Variants in LCOR observed in about 807,000 individuals in gnomAD.
LCOR encodes ligand-dependent corepressor.
A neutral mutation model predicts 64.4 loss-of-function variants in LCOR; 14 were observed. That is an observed-to-expected ratio of 0.22 (90% CI 0.14 to 0.34). The LOEUF (loss-of-function observed/expected upper bound fraction) is 0.34. Among genes scored for constraint, LCOR ranks in the 10% least tolerant of loss-of-function variants. The pLI is 1.00. For missense variants in LCOR, 1,686 were observed against 1,765.3 expected, an observed-to-expected ratio of 0.96 and a Z score of 0.80; for synonymous variants, 643 against 642.5, an observed-to-expected ratio of 1.00 and a Z score of -0.01.
intron 7 of LCOR, among the ~76,000 whole-genome samples, chr10:96,980,135 C>T (rs1484307126): frequency 6.7e-6 from 1 of 150,044 alleles, no homozygotes; most frequent in African/African-American, 2.5e-5. Flanking sequence ...CAGAGCAAGA[C>T]TGTCTCCATT....
intron 4 of LCOR, among the ~76,000 whole-genome samples, chr10:96,929,487 G>A (rs1000913013): frequency 6.6e-6 from 1 of 152,258 alleles, no homozygotes; most frequent in African/African-American, 2.4e-5. Flanking sequence ...GAATTGAAGA[G>A]AGTTAGAGCC....
intron 7 of LCOR, chr10:96,956,206 G>T (rs1237185543): frequency 9.0e-7 from 1 of 1,106,126 alleles, no homozygotes; most frequent in East Asian, 5.4e-5. Context: ...TGGACTCCTT[G>T]CCTGTAGAGC....
At chr10:96,843,764 T>C (rs1019780885) in intron 2 of LCOR, among the ~76,000 whole-genome samples, 5 of 152,240 alleles carry the variant, frequency 3.3e-5, no homozygotes, top group African/African-American at 1.2e-4. Context: ...ATCTTGGTTG[T>C]ATCCTTTTGT....
intron 4 of LCOR, among the ~76,000 whole-genome samples, chr10:96,914,660 T>G (rs1019690408): frequency 6.6e-6 from 1 of 152,224 alleles, no homozygotes; most frequent in Non-Finnish European, 1.5e-5. Context: ...CCTTCTTCAG[T>G]GGACTACCAA....
chr10:96,946,064 G>A (rs189775584), intron 5 of LCOR, among the ~76,000 whole-genome samples: 14 of 152,012 alleles, frequency 9.2e-5, no homozygotes, highest in Admixed American at 7.2e-4. Context: ...TTTATGTACA[G>A]GCATGTGATG....
At chr10:96,956,082 T>C in intron 7 of LCOR, 1 of 1,433,214 alleles carries the variant, frequency 7.0e-7, no homozygotes, top group Non-Finnish European at 9.1e-7. Context: ...GCATTCTGAA[T>C]GTTGCATATT....
chr10:96,943,897 T>A (rs1453459031), intron 4 of LCOR, among the ~76,000 whole-genome samples: 2 of 152,172 alleles, frequency 1.3e-5, no homozygotes, highest in Non-Finnish European at 2.9e-5. Flanking sequence ...ACAAAACTCA[T>A]AGTCAAAAAA....
chr10:96,916,638 G>A (rs781595973), intron 4 of LCOR, among the ~76,000 whole-genome samples: 8 of 139,310 alleles, frequency 5.7e-5, no homozygotes, highest in Admixed American at 1.5e-4. Flanking sequence ...TTTTTGAGAC[G>A]GAGTCTTGCT....
intron 4 of LCOR, among the ~76,000 whole-genome samples, chr10:96,924,112 G>A (rs759874389): frequency 5.9e-5 from 9 of 152,182 alleles, no homozygotes; most frequent in Non-Finnish European, 1.3e-4. Context: ...GCAAATATAA[G>A]TTAATGGCAG....
chr10:96,928,357 C>T lies in LCOR; in HGVS notation c.-183-15756C>T, dbSNP rs79108412. ...CAGCATCTTCACCAGGAGTAGATTC[C>T]ATCGTAAGAAACCACTTTCTTCAAA... On this transcript the variant is annotated intron_variant, in intron 4 of 7. Transcript: ENST00000421806. Among the ~76,000 whole-genome samples the T allele has an allele frequency of 7.9e-3, 1,208 of 152,186 alleles. 11 individuals carry two copies. Among genetic ancestry groups the T allele is most frequent in the South Asian group, 0.038 (185 of 4,814 alleles).
At chr10:96,913,343 G>C (rs1344577551) in intron 4 of LCOR, among the ~76,000 whole-genome samples, 4 of 152,156 alleles carry the variant, frequency 2.6e-5, no homozygotes, top group Non-Finnish European at 5.9e-5. Flanking sequence ...ATAGTATGAA[G>C]AGCTAATCCA....
chr10:96,846,679 C>T (rs543358687), intron 2 of LCOR, among the ~76,000 whole-genome samples: 3 of 152,142 alleles, frequency 2.0e-5, no homozygotes, highest in Non-Finnish European at 4.4e-5. Flanking sequence ...CTGTGTATAG[C>T]TTTTCATTGT....
chr10:96,952,024 C>CT (rs1847689010), intron 6 of LCOR, 79 bp from the exon 7 acceptor site: 1 of 993,358 alleles, frequency 1.0e-6, no homozygotes, highest in African/African-American at 1.6e-5. Context: ...TGCTTAACTG[C>CT]TTTTTCATTT....
intron 2 of LCOR, among the ~76,000 whole-genome samples, chr10:96,890,373 C>A (rs1846419435): frequency 6.6e-6 from 1 of 152,102 alleles, no homozygotes; most frequent in Non-Finnish European, 1.5e-5. Context: ...GTGTGAGTCA[C>A]CCCTGCCCAG....
At chr10:96,871,294 T>C (rs569299917) in intron 2 of LCOR, among the ~76,000 whole-genome samples, 2 of 151,998 alleles carry the variant, frequency 1.3e-5, no homozygotes, top group South Asian at 4.2e-4. Flanking sequence ...TGGCCACTAG[T>C]GATCCTCCTG....
chr10:96,963,322 AAAAC>A (rs1408240600), intron 7 of LCOR: 4 of 152,256 alleles, frequency 2.6e-5, no homozygotes, highest in Admixed American at 1.3e-4. Flanking sequence ...CAGCACAACT[AAAAC>A]AAAAGACATT....
At chr10:96,846,058 C>G (rs1845623691) in intron 2 of LCOR, among the ~76,000 whole-genome samples, 1 of 151,770 alleles carries the variant, frequency 6.6e-6, no homozygotes, top group Non-Finnish European at 1.5e-5. Context: ...AATACAAAAA[C>G]TAGCTGGGCA....
intron 2 of LCOR, among the ~76,000 whole-genome samples, chr10:96,876,485 A>G (rs1169798610): frequency 6.6e-6 from 1 of 152,242 alleles, no homozygotes; most frequent in Non-Finnish European, 1.5e-5. Context: ...TGGTTTATAT[A>G]AAAATTAAAT....
intron 4 of LCOR, among the ~76,000 whole-genome samples, chr10:96,913,329 G>A (rs1412898270): frequency 6.6e-6 from 1 of 152,168 alleles, no homozygotes; most frequent in Non-Finnish European, 1.5e-5. Flanking sequence ...TTACAGATAT[G>A]TTGATAGTAT....
Sources: gnomAD v4.1 joint callset for allele counts (sites outside exome capture counted in the v4.1 genomes callset) on GRCh38, gnomAD v4.1.1 for gene constraint, MANE v1.5 for transcripts, NCBI Gene and HGNC (gene_info 2026-07-23, HGNC 2026-07-21) for gene names.